The following ACSM2A variants were observed in gnomAD, a reference collection of about 807,000 sequenced individuals.
The protein encoded by ACSM2A is acyl-CoA synthetase medium chain family member 2A.
ACSM2A carries 72 observed loss-of-function variants against 76.6 expected under a neutral mutation model. The ratio of observed to expected loss-of-function variants is 0.94; its 90% CI spans 0.78 to 1.14. The LOEUF (loss-of-function observed/expected upper bound fraction) is 1.14. ACSM2A is among the 50% of genes most tolerant of loss of function. ACSM2A has a pLI of 0.00. For synonymous variants in ACSM2A, 249 were observed against 255.9 expected, an observed-to-expected ratio of 0.97 and a Z score of 0.26; for missense variants, 684 against 708.5, an observed-to-expected ratio of 0.97 and a Z score of 0.39.
chr16:20,453,509 C>T (rs1254446266), intron 1 of ACSM2A: 1 of 141,426 alleles, frequency 7.1e-6, no homozygotes, highest in African/African-American at 2.7e-5. Context: ...TGTAATTCAC[C>T]TCAGGACTAC....
In ACSM2A at chr16:20,475,229, A is replaced by T. The variant is rs1046223351; in HGVS notation, c.895-133A>T. On this transcript the variant is annotated intron_variant, in intron 6 of 13. Transcript: ENST00000573854. ...TTGTGGGGCTCATTTAACCTGAATC[A>T]GACATAGTAAACAAGCTAGGGTTTT... is the stretch of plus-strand genomic sequence containing the variant. 8 of 1,552,340 alleles carry T rather than the reference A, an allele frequency of 5.2e-6. No individual in the cohort carries two copies. The African/African-American group carries it at 1.1e-4, about 21-fold the overall frequency.
rs759143815 is a variant in ACSM2A, at chr16:20,475,773, G to A, written c.1098G>A (p.Thr366=). Residue 366 remains threonine (T), a splice_region_variant and synonymous_variant, in exon 8 of 14, where the codon ACG becomes ACA. Transcript: ENST00000573854. ...DIRESYGQTE[T]GLTCMVSKTM... is the part of the protein sequence containing the mutation. ...GAGAATCCTATGGCCAGACAGAAAC[G>A]GTACCTGTTCCCAGGGGAACCATGG... 5.0e-6 allele frequency: 8 copies of A among 1,613,702 alleles called. No homozygotes were observed. The highest frequency in any genetic ancestry group is 1.3e-5 in the African/African-American group (1 of 74,892).
intron 1 of ACSM2A, among the ~76,000 whole-genome samples, chr16:20,452,815 C>T (rs996163555): frequency 1.3e-5 from 2 of 151,028 alleles, no homozygotes; most frequent in Admixed American, 6.6e-5. Flanking sequence ...ACTGATAGCC[C>T]TTGGTGTGAA....
At chr16:20,474,741 G>A (rs1013730264) in intron 6 of ACSM2A, among the ~76,000 whole-genome samples, 18 of 152,072 alleles carry the variant, frequency 1.2e-4, no homozygotes, top group Non-Finnish European at 1.5e-4. Context: ...TACATCATGG[G>A]TTTCCCCTCT....
At chr16:20,458,318 T>A (rs2012326032) in intron 1 of ACSM2A, among the ~76,000 whole-genome samples, 1 of 147,754 alleles carries the variant, frequency 6.8e-6, no homozygotes, top group African/African-American at 2.5e-5. Context: ...AAATATTGTA[T>A]CTATATATCT....
chr16:20,454,362 A>C (rs974674137), intron 1 of ACSM2A, among the ~76,000 whole-genome samples: 1 of 152,056 alleles, frequency 6.6e-6, no homozygotes, highest in Non-Finnish European at 1.5e-5. Context: ...AGCTGGGGTC[A>C]CTGACTTTGT....
intron 4 of ACSM2A, among the ~76,000 whole-genome samples, 153 bp downstream of exon 4, chr16:20,469,872 ATT>A (rs35674523): frequency 0.071 from 4,796 of 67,492 alleles, 94 homozygotes; most frequent in African/African-American, 0.12. Flanking sequence ...ACACAAGGGT[ATT>A]TTTTTTTTTT....
rs187933809 is a variant in ACSM2A at position 20,467,993 on chromosome 16, T to A, written c.389-1519T>A. On this transcript the variant is annotated intron_variant, in intron 3 of 13. Coordinates refer to ENST00000573854, the MANE Select transcript of ACSM2A (RefSeq NM_001308172.2). ...TATTCTGGGGACAATGGGCTGAGCATGAGAAAGCAATGGGTAAAGAGAAAG... is the reference window on the plus strand; with the variant it reads ...TATTCTGGGGACAATGGGCTGAGCAAGAGAAAGCAATGGGTAAAGAGAAAG... Among the ~76,000 whole-genome samples, 354 of 151,914 alleles carry A rather than the reference T, an allele frequency of 2.3e-3. 3 individuals are homozygous for A. The highest frequency in any genetic ancestry group is 3.3e-3 in the Non-Finnish European group (226 of 67,994).
In ACSM2A at chr16:20,477,306, T is replaced by G. The variant is rs555101959; in HGVS notation, c.1099-63T>G. 6 of 1,572,014 alleles carry G rather than the reference T, an allele frequency of 3.8e-6. No individual in the cohort carries two copies. In the Admixed American group the frequency reaches 5.4e-5, roughly 14 times the overall value. On this transcript the variant is annotated intron_variant, in intron 8 of 13. Coordinates refer to ENST00000573854, the MANE Select transcript of ACSM2A (RefSeq NM_001308172.2). ...TCAGGACCTGCTCTGCAGAAATTTTTTCTTTTTCTGTGACCTTGTACCTCC... is the reference window on the plus strand; with the variant it reads ...TCAGGACCTGCTCTGCAGAAATTTTGTCTTTTTCTGTGACCTTGTACCTCC...
At chr16:20,471,340 T>C in intron 5 of ACSM2A, 124 bp downstream of exon 5, 1 of 1,511,122 alleles carries the variant, frequency 6.6e-7, no homozygotes, top group Non-Finnish European at 8.9e-7. Flanking sequence ...TCATCTCCTG[T>C]TGATACAGGA....
intron 2 of ACSM2A, among the ~76,000 whole-genome samples, chr16:20,461,022 C>A (rs2012589431): frequency 7.3e-6 from 1 of 137,162 alleles, no homozygotes; most frequent in East Asian, 2.5e-4. Context: ...TCCTTCCCAG[C>A]CCTGAGCGTC....
At chr16:20,470,046 T>C (rs1249973974) in intron 4 of ACSM2A, among the ~76,000 whole-genome samples, 2 of 151,856 alleles carry the variant, frequency 1.3e-5, no homozygotes, top group Non-Finnish European at 2.9e-5. Context: ...CCTGGGGGTG[T>C]TATTGCCTCC....
At chr16:20,472,647 C>T (rs2013488800) in intron 6 of ACSM2A, among the ~76,000 whole-genome samples, 1 of 151,690 alleles carries the variant, frequency 6.6e-6, no homozygotes, top group Admixed American at 6.6e-5. Flanking sequence ...CAGCATCTGC[C>T]CCCCATAAGT....
chr16:20,469,455 T>C, intron 3 of ACSM2A, 57 bp from the exon 4 acceptor site: 1 of 1,606,292 alleles, frequency 6.2e-7, no homozygotes, highest in Non-Finnish European at 8.5e-7. Flanking sequence ...ATCTCAGGCT[T>C]CTCTAGGGAC....
intron 3 of ACSM2A, among the ~76,000 whole-genome samples, 197 bp from the exon 4 acceptor site, chr16:20,469,315 G>C (rs767819065): frequency 1.3e-5 from 2 of 152,128 alleles, no homozygotes; most frequent in Non-Finnish European, 2.9e-5. Context: ...GGGCCCTTAA[G>C]ACTCTGACAA....
rs751363817 is a variant in ACSM2A at position 20,485,410 on chromosome 16, C to CAG, written c.1630-1163_1630-1162insGA. Among the ~76,000 whole-genome samples the CAG allele has an allele frequency of 3.2e-3, 482 of 152,302 alleles. 2 individuals are homozygous for CAG. The highest frequency in any genetic ancestry group is 0.011 in the African/African-American group (438 of 41,542). On this transcript the variant is annotated intron_variant, in intron 13 of 13. Coordinates refer to ENST00000573854, the MANE Select transcript of ACSM2A (RefSeq NM_001308172.2). ...GTCCTTTCTACTTCTCTCTTCATGA[C>CAG]AAGCAGAGTAGCTTCCTTCTTAGCA...
intron 10 of ACSM2A, 30 bp downstream of exon 10, chr16:20,478,707 C>T (rs746895357): frequency 6.3e-7 from 1 of 1,594,178 alleles, no homozygotes; most frequent in South Asian, 1.1e-5. Context: ...CTCCTCTGTT[C>T]CCCAGTGAGG....
At chr16:20,459,966 G>C in intron 1 of ACSM2A, 141 bp from the exon 2 acceptor site, 1 of 1,389,546 alleles carries the variant, frequency 7.2e-7, no homozygotes, top group East Asian at 2.5e-5. Flanking sequence ...CAGATGCTGA[G>C]TGCCAATTTA....
At chr16:20,460,010 A>G in intron 1 of ACSM2A, 97 bp from the exon 2 acceptor site, 2 of 1,442,622 alleles carry the variant, frequency 1.4e-6, no homozygotes, top group Non-Finnish European at 1.8e-6. Flanking sequence ...CCTGGGAAGA[A>G]TCCTATAAGG....
Sources: allele counts gnomAD v4.1 joint callset (sites outside exome capture counted in the v4.1 genomes callset), GRCh38; gene constraint gnomAD v4.1.1; transcripts MANE v1.5; gene names NCBI Gene and HGNC (gene_info 2026-07-23, HGNC 2026-07-21).